GABRB3: variants seen among roughly 807,000 people sequenced by gnomAD.
The protein encoded by GABRB3 is gamma-aminobutyric acid receptor subunit beta-3.
Under a neutral mutation model 52.1 loss-of-function variants are expected in GABRB3, and 14 were observed. That is an observed-to-expected ratio of 0.27 (90% CI 0.18 to 0.42). The LOEUF (loss-of-function observed/expected upper bound fraction) is 0.42. Among genes scored for constraint, GABRB3 ranks in the 10% least tolerant of loss-of-function variants. The pLI is 1.00. For missense variants in GABRB3, 307 were observed against 609.1 expected (o/e 0.50, Z 5.22); for synonymous variants, 260 against 232.3 (o/e 1.12, Z -1.08).
In GABRB3 at chr15:26,545,601, C is replaced by A. The variant is rs917383639; in HGVS notation, c.*2192G>T. The A allele has an allele frequency of 6.6e-6, 1 of 152,486 alleles. No individual in the cohort carries two copies. Among genetic ancestry groups the A allele is most frequent in the Non-Finnish European group, 1.5e-5 (1 of 68,034 alleles). 9.4% of individuals were successfully genotyped at this position (152,486 alleles called of 1,614,324 possible). A position where few individuals can be genotyped will look rare whatever the true frequency, so the allele number is the denominator to read the frequency against. ...CATGTGGACCTCACACCTTTAATTA[C>A]TGGATACAGAAAAAGATACCTGAAG... On this transcript the variant is annotated 3_prime_UTR_variant, in exon 9 of 9. Transcript: ENST00000311550.
intron 6 of GABRB3, among the ~76,000 whole-genome samples, chr15:26,579,407 A>C (rs1890708402): frequency 6.6e-6 from 1 of 152,164 alleles, no homozygotes; most frequent in Non-Finnish European, 1.5e-5. Context: ...CGCCAGATGA[A>C]GCCTAAGAAT....
chr15:26,673,351 G>C (rs1269685113), intron 3 of GABRB3, among the ~76,000 whole-genome samples: 3 of 152,114 alleles, frequency 2.0e-5, no homozygotes, highest in Non-Finnish European at 2.9e-5. Flanking sequence ...GAATAGCTGA[G>C]TTCAGACTTC....
chr15:26,597,776 G>A (rs1891448360), intron 4 of GABRB3, among the ~76,000 whole-genome samples: 1 of 152,242 alleles, frequency 6.6e-6, no homozygotes, highest in Non-Finnish European at 1.5e-5. Context: ...CCAAGTCAGA[G>A]TATGAAGCCA....
intron 3 of GABRB3, among the ~76,000 whole-genome samples, chr15:26,674,676 G>T (rs967735160): frequency 5.3e-5 from 8 of 152,148 alleles, no homozygotes; most frequent in Admixed American, 2.0e-4. Flanking sequence ...AGGCAGGGAT[G>T]CCACAAGGCC....
At chr15:26,586,431 C>G (rs1226622835) in intron 4 of GABRB3, among the ~76,000 whole-genome samples, 1 of 151,838 alleles carries the variant, frequency 6.6e-6, no homozygotes, top group Non-Finnish European at 1.5e-5. Context: ...CACACGCATA[C>G]ATACACATAA....
chr15:26,576,739 C>A (rs572134543), intron 6 of GABRB3, among the ~76,000 whole-genome samples: 2 of 152,052 alleles, frequency 1.3e-5, no homozygotes, highest in Admixed American at 6.6e-5. Flanking sequence ...ACTCAGGGGA[C>A]TAAGGGGGCA....
At chr15:26,742,105 C>A (rs1294268745) in intron 3 of GABRB3, among the ~76,000 whole-genome samples, 1 of 152,108 alleles carries the variant, frequency 6.6e-6, no homozygotes, top group African/African-American at 2.4e-5. Flanking sequence ...GCACATTTTC[C>A]CATATCCTTA....
intron 3 of GABRB3, among the ~76,000 whole-genome samples, chr15:26,731,246 T>C (rs1217599360): frequency 6.6e-6 from 1 of 152,108 alleles, no homozygotes; most frequent in Admixed American, 6.5e-5. Context: ...ATAACAAAAA[T>C]AAACATCATG....
chr15:26,681,428 G>A (rs28649016), intron 3 of GABRB3, among the ~76,000 whole-genome samples: 25,033 of 152,110 alleles, frequency 0.16, 2,411 homozygotes, highest in African/African-American at 0.26. Context: ...ACCTGACCAT[G>A]AAGTGGTTCT....
chr15:26,554,041 T>TA (rs58501926), intron 8 of GABRB3, among the ~76,000 whole-genome samples: 1 of 62,106 alleles, frequency 1.6e-5, no homozygotes, highest in Non-Finnish European at 3.2e-5. Flanking sequence ...ATATATTTAT[T>TA]TATTTATATT....
chr15:26,606,788 C>CGACAGATAGA (rs369220407), intron 4 of GABRB3, among the ~76,000 whole-genome samples: 2 of 115,212 alleles, frequency 1.7e-5, no homozygotes, highest in African/African-American at 5.6e-5. Context: ...ATAGATATAT[C>CGACAGATAGA]TATAGATAGA....
upstream of GABRB3, among the ~76,000 whole-genome samples, chr15:26,773,389 G>T (rs1407656502): frequency 6.6e-6 from 1 of 150,948 alleles, no homozygotes; most frequent in African/African-American, 2.4e-5. Flanking sequence ...AGGGGCGGGG[G>T]GTCGTCCCCT....
At chr15:26,746,319 T>A (rs1030424131) in intron 3 of GABRB3, among the ~76,000 whole-genome samples, 2 of 152,214 alleles carry the variant, frequency 1.3e-5, no homozygotes, top group African/African-American at 4.8e-5. Context: ...TGTTTGTTAC[T>A]GCTGAATTTT....
At chr15:26,672,668 C>T (rs866166381) in intron 3 of GABRB3, among the ~76,000 whole-genome samples, 2 of 152,154 alleles carry the variant, frequency 1.3e-5, no homozygotes, top group South Asian at 2.1e-4. Context: ...TTTTTCTTCC[C>T]TACACTGTCC....
chr15:26,770,968 T>C (rs1189792493), intron 3 of GABRB3, among the ~76,000 whole-genome samples: 1 of 152,232 alleles, frequency 6.6e-6, no homozygotes, highest in Non-Finnish European at 1.5e-5. Flanking sequence ...ACACTTTTAC[T>C]GATACAATAT....
chr15:26,750,497 T>C (rs1890473558), intron 3 of GABRB3, among the ~76,000 whole-genome samples: 1 of 152,214 alleles, frequency 6.6e-6, no homozygotes, highest in Non-Finnish European at 1.5e-5. Flanking sequence ...TTTTCTTTGC[T>C]GTGTGTCAAG....
intron 3 of GABRB3, chr15:26,771,925 T>A (rs1450684250): frequency 1.3e-5 from 2 of 157,308 alleles, no homozygotes; most frequent in Non-Finnish European, 2.8e-5. Flanking sequence ...CACAGACCAC[T>A]GTCTTCGTTC....
intron 6 of GABRB3, among the ~76,000 whole-genome samples, chr15:26,577,807 T>C (rs527870462): frequency 6.6e-6 from 1 of 152,114 alleles, no homozygotes; most frequent in South Asian, 2.1e-4. Flanking sequence ...CAACACCCTT[T>C]TTCTGGGGAG....
chr15:26,666,257 T>A (rs770627825), intron 3 of GABRB3: 2 of 152,182 alleles, frequency 1.3e-5, no homozygotes, highest in Non-Finnish European at 2.9e-5. Flanking sequence ...TTACTTATGG[T>A]CAAACAATTT....
Sources: gnomAD v4.1 joint callset for allele counts (sites outside exome capture counted in the v4.1 genomes callset) on GRCh38, gnomAD v4.1.1 for gene constraint, MANE v1.5 for transcripts, NCBI Gene and HGNC (gene_info 2026-07-23, HGNC 2026-07-21) for gene names.